ZNF451: variants seen among roughly 807,000 people sequenced by gnomAD.
ZNF451 encodes E3 SUMO-protein ligase ZNF451.
A neutral mutation model predicts 107.1 loss-of-function variants in ZNF451; 80 were observed. The ratio of observed to expected loss-of-function variants is 0.75; its 90% CI spans 0.62 to 0.90. The LOEUF (loss-of-function observed/expected upper bound fraction) is 0.90. Ranked by LOEUF, ZNF451 falls within the 40% of genes least tolerant of loss-of-function variation. The probability of loss-of-function intolerance (pLI) is 0.00; values close to 1 mark genes in which losing one functional copy is unlikely to be tolerated. For synonymous variants in ZNF451, 362 were observed against 406.5 expected (o/e 0.89, Z 1.32); for missense variants, 1,107 against 1,236.2 (o/e 0.90, Z 1.57).
chr6:57,111,519 C>T (rs763064916), intron 3 of ZNF451, among the ~76,000 whole-genome samples: 5 of 151,872 alleles, frequency 3.3e-5, no homozygotes, highest in Non-Finnish European at 7.4e-5. Flanking sequence ...TAGCTGGAAT[C>T]GCAGGCACCT....
intron 9 of ZNF451, among the ~76,000 whole-genome samples, chr6:57,144,731 C>T (rs1831974796): frequency 6.6e-6 from 1 of 152,004 alleles, no homozygotes; most frequent in Non-Finnish European, 1.5e-5. Context: ...GAGTTCGAGA[C>T]CAGCCTGGCT....
chr6:57,133,971 C>T (rs1045371688), intron 6 of ZNF451, among the ~76,000 whole-genome samples: 2 of 152,284 alleles, frequency 1.3e-5, no homozygotes, highest in South Asian at 2.1e-4. Flanking sequence ...CCACCGCGCT[C>T]GGCCAGTTTA....
At chr6:57,129,558 T>A (rs1394191717) in intron 5 of ZNF451, among the ~76,000 whole-genome samples, 1 of 152,216 alleles carries the variant, frequency 6.6e-6, no homozygotes, top group Non-Finnish European at 1.5e-5. Flanking sequence ...ATGCATGCAA[T>A]GCTTAACTTT....
At chr6:57,147,030 G>A (rs1832098916) in intron 9 of ZNF451, 60 bp from the exon 10 acceptor site, 5 of 1,432,378 alleles carry the variant, frequency 3.5e-6, no homozygotes, top group South Asian at 1.4e-5. Context: ...ATAAAATGCA[G>A]CAATGGTATA....
rs565200082 is a variant in ZNF451 at position 57,123,587 on chromosome 6, G to C, written c.187-1147G>C. On this transcript the variant is annotated intron_variant, in intron 3 of 14. Coordinates refer to ENST00000370706, the MANE Select transcript of ZNF451 (RefSeq NM_001031623.3). The stretch of plus-strand genomic sequence containing the variant: ...ACTATGTTCACTCTCTGGGTGATGG[G>C]ATCAGTAGAAGGCCAAACTTCGGCA... Among the ~76,000 whole-genome samples, 53 of 151,968 alleles carry C rather than the reference G, an allele frequency of 3.5e-4. 1 individual carries two copies. The highest frequency in any genetic ancestry group is 1.3e-3 in the African/African-American group (53 of 41,448).
chr6:57,161,876 C>G (rs891019752), intron 14 of ZNF451, among the ~76,000 whole-genome samples: 37 of 152,064 alleles, frequency 2.4e-4, no homozygotes, highest in African/African-American at 8.9e-4. Flanking sequence ...AATTAAAATT[C>G]TCTTTTACTC....
chr6:57,123,748 A>G (rs1429884177), intron 3 of ZNF451, among the ~76,000 whole-genome samples: 1 of 152,154 alleles, frequency 6.6e-6, no homozygotes, highest in Non-Finnish European at 1.5e-5. Context: ...ATTTTGTTAT[A>G]TTTATACCTA....
Position 57,128,750 on chromosome 6 carries a change from G to A in ZNF451, c.334G>A (p.Ala112Thr). ...TCAGGAAAAAATTGATTTTCAGCATGCTCATGGGTTACAAGAATTGGAATT... is the reference window on the plus strand; with the variant it reads ...TCAGGAAAAAATTGATTTTCAGCATACTCATGGGTTACAAGAATTGGAATT... ...AFREKIDFQH[A>T]HGLQELEFIR... is the part of the protein sequence containing the mutation. The change falls in exon 5 of 15, where the codon GCT becomes ACT. Residue 112 changes from alanine to threonine, a missense_variant. Transcript: ENST00000370706. 1 of 1,611,668 alleles carries A rather than the reference G, an allele frequency of 6.2e-7. No individual in the cohort carries two copies.
intron 7 of ZNF451, among the ~76,000 whole-genome samples, chr6:57,137,184 G>C (rs1831473565): frequency 6.6e-6 from 1 of 152,280 alleles, no homozygotes; most frequent in Non-Finnish European, 1.5e-5. Context: ...TATGCATGGG[G>C]GGTTGTAATT....
chr6:57,090,399 C>T (rs1164007555), intron 1 of ZNF451, 125 bp downstream of exon 1: 1 of 1,446,580 alleles, frequency 6.9e-7, no homozygotes, highest in South Asian at 1.3e-5. Context: ...TGTCTTGGGC[C>T]GAGCCCAGCT....
chr6:57,156,792 G>T (rs978658446), intron 13 of ZNF451, among the ~76,000 whole-genome samples: 2 of 152,196 alleles, frequency 1.3e-5, no homozygotes, highest in African/African-American at 4.8e-5. Flanking sequence ...TTTCATGGAA[G>T]ACAATTTTTC....
chr6:57,092,930 A>T (rs553942195), intron 2 of ZNF451: 1 of 152,208 alleles, frequency 6.6e-6, no homozygotes, highest in African/African-American at 2.4e-5. Context: ...TGAAATATAC[A>T]TAAAAGTGCA....
intron 8 of ZNF451, among the ~76,000 whole-genome samples, chr6:57,141,733 GT>G (rs1231476845): frequency 6.6e-6 from 1 of 152,120 alleles, no homozygotes; most frequent in African/African-American, 2.4e-5. Flanking sequence ...GAAGTTTTCT[GT>G]TTCTCGGCAT....
intron 9 of ZNF451, among the ~76,000 whole-genome samples, chr6:57,145,956 A>T (rs867462741): frequency 2.0e-4 from 31 of 152,146 alleles, no homozygotes; most frequent in African/African-American, 7.2e-4. Flanking sequence ...ATCCTTGCCA[A>T]CATCAGTTGT....
intron 3 of ZNF451, chr6:57,102,444 T>C: frequency 4.0e-6 from 4 of 1,005,306 alleles, no homozygotes; most frequent in Non-Finnish European, 4.7e-6. Context: ...GAAAATCTTA[T>C]TTGTAAACTG....
intron 13 of ZNF451, chr6:57,158,377 G>A (rs759541929): frequency 5.8e-5 from 21 of 364,098 alleles, no homozygotes; most frequent in Non-Finnish European, 7.2e-5. Flanking sequence ...TTTTTTGTCA[G>A]AAGAAATGAT....
intron 7 of ZNF451, among the ~76,000 whole-genome samples, chr6:57,138,775 G>GTGTA (rs1482741306): frequency 7.5e-5 from 8 of 106,242 alleles, no homozygotes; most frequent in Non-Finnish European, 5.6e-5. Flanking sequence ...GTGTGTGTGT[G>GTGTA]TATATATATA....
intron 6 of ZNF451, among the ~76,000 whole-genome samples, chr6:57,133,620 TA>T (rs1327099854): frequency 6.6e-6 from 1 of 152,220 alleles, no homozygotes; most frequent in East Asian, 1.9e-4. Context: ...AAATTAATAA[TA>T]AAAATTCTAT....
At position 57,142,108 on chromosome 6, in the gene ZNF451, C is replaced by G. The variant is rs768974624; in HGVS notation, c.1004+13C>G. On this transcript the variant is annotated intron_variant, in intron 9 of 14. Coordinates refer to ENST00000370706, the MANE Select transcript of ZNF451 (RefSeq NM_001031623.3). ...CTGCCCATTTCAGGTTTGTATTGGT[C>G]TGGAGCTGTAAAGGAATACGGATGA... 6.3e-7 allele frequency: 1 copy of G among 1,595,370 alleles called. No homozygotes were observed. The highest frequency in any genetic ancestry group is 8.6e-7 in the Non-Finnish European group (1 of 1,165,694).
Sources: allele counts gnomAD v4.1 joint callset (sites outside exome capture counted in the v4.1 genomes callset), GRCh38; gene constraint gnomAD v4.1.1; transcripts MANE v1.5; gene names NCBI Gene and HGNC (gene_info 2026-07-23, HGNC 2026-07-21).